The following EXOC4 variants were observed in gnomAD, a reference collection of about 807,000 sequenced individuals.
EXOC4 encodes SEC8-like 1.
A neutral mutation model predicts 107.2 loss-of-function variants in EXOC4; 71 were observed. The ratio of observed to expected loss-of-function variants is 0.66; its 90% CI spans 0.55 to 0.81. The LOEUF is 0.81. Ranked by LOEUF, EXOC4 falls within the 30% of genes least tolerant of loss-of-function variation. EXOC4 has a pLI of 0.00. For synonymous variants in EXOC4, 456 were observed against 441.2 expected (o/e 1.03, Z -0.42); for missense variants, 1,108 against 1,189.6 (o/e 0.93, Z 1.01).
At chr7:133,481,054 AAAG>A (rs1258430955) in intron 9 of EXOC4, 2 of 92,750 alleles carry the variant, frequency 2.2e-5, no homozygotes, top group Non-Finnish European at 4.7e-5. Context: ...TGTCTCAAAA[AAAG>A]AAAAAAAAAA....
At chr7:133,400,575 G>A (rs144283532) in intron 7 of EXOC4, among the ~76,000 whole-genome samples, 139 of 152,156 alleles carry the variant, frequency 9.1e-4, no homozygotes, top group African/African-American at 3.1e-3. Flanking sequence ...AGCCTACTGT[G>A]TCGCATCACT....
chr7:134,053,357 C>A (rs1795843123), intron 17 of EXOC4, among the ~76,000 whole-genome samples: 1 of 152,046 alleles, frequency 6.6e-6, no homozygotes, highest in Admixed American at 6.5e-5. Flanking sequence ...TGTCTAGCCA[C>A]TGCTCTTAAT....
chr7:133,531,497 C>T (rs1169242268), intron 9 of EXOC4, among the ~76,000 whole-genome samples: 2 of 152,026 alleles, frequency 1.3e-5, no homozygotes, highest in Non-Finnish European at 2.9e-5. Context: ...ACTGGAGGAA[C>T]GACAAAGGAA....
chr7:134,084,676 C>T, the EXOC4 span, among the ~76,000 whole-genome samples: 1 of 83,958 alleles, frequency 1.2e-5, no homozygotes, highest in African/African-American at 5.3e-5. Context: ...AAAGAGAGGA[C>T]AAAAACTTCT....
intron 17 of EXOC4, among the ~76,000 whole-genome samples, chr7:134,010,600 A>G (rs561026789): frequency 6.6e-6 from 1 of 152,346 alleles, no homozygotes; most frequent in South Asian, 2.1e-4. Flanking sequence ...CAAAATAGCC[A>G]GAAATAATAG....
intron 10 of EXOC4, among the ~76,000 whole-genome samples, chr7:133,671,304 C>A (rs1355876688): frequency 6.6e-6 from 1 of 152,278 alleles, no homozygotes; most frequent in East Asian, 1.9e-4. Flanking sequence ...TGGCTCATGT[C>A]TGTAATCACA....
At chr7:133,896,435 A>G (rs1242286506) in intron 12 of EXOC4, among the ~76,000 whole-genome samples, 1 of 152,198 alleles carries the variant, frequency 6.6e-6, no homozygotes, top group Non-Finnish European at 1.5e-5. Context: ...AATGAAGGAT[A>G]GATAGGTAAA....
At chr7:133,519,216 A>G (rs970919427) in intron 9 of EXOC4, among the ~76,000 whole-genome samples, 1 of 151,984 alleles carries the variant, frequency 6.6e-6, no homozygotes, top group South Asian at 2.1e-4. Context: ...GGAGTTTGAG[A>G]CCAGCCTAGG....
At chr7:133,516,335 C>G (rs961866378) in intron 9 of EXOC4, among the ~76,000 whole-genome samples, 6 of 152,128 alleles carry the variant, frequency 3.9e-5, no homozygotes, top group African/African-American at 1.2e-4. Context: ...ATTTCTGTAC[C>G]TGTCAACAGT....
At chr7:133,481,959 G>T (rs1799168734) in intron 9 of EXOC4, among the ~76,000 whole-genome samples, 1 of 152,172 alleles carries the variant, frequency 6.6e-6, no homozygotes, top group Non-Finnish European at 1.5e-5. Context: ...CAGGAGGTAG[G>T]ATTGTGCTCG....
chr7:133,710,516 C>T lies in EXOC4; in HGVS notation c.1514+80375C>T, dbSNP rs980978778. 2.0e-4 allele frequency among the ~76,000 whole-genome samples: 30 copies of T among 151,360 alleles called. 1 individual carries two copies. Among genetic ancestry groups the T allele is most frequent in the Admixed American group, 1.1e-3 (17 of 15,212 alleles). On this transcript the variant is annotated intron_variant, in intron 10 of 17. Transcript: ENST00000253861. ...TCTACTAAAAATACAAAAAATTAGC[C>T]GGGCGTAGTGGCGGGCGCCTGTAGT...
intron 9 of EXOC4, chr7:133,576,757 G>C (rs1247555047): frequency 7.8e-7 from 1 of 1,289,692 alleles, no homozygotes; most frequent in Admixed American, 2.3e-5. Context: ...GGTACTATTG[G>C]AGAGGTAACT....
At chr7:133,411,365 C>T (rs1224454563) in intron 7 of EXOC4, among the ~76,000 whole-genome samples, 3 of 152,056 alleles carry the variant, frequency 2.0e-5, no homozygotes, top group African/African-American at 7.2e-5. Context: ...TTTGTATATT[C>T]TGTAGATCAT....
At chr7:133,356,687 A>G in intron 6 of EXOC4, 114 bp downstream of exon 6, 1 of 1,284,042 alleles carries the variant, frequency 7.8e-7, no homozygotes, top group Non-Finnish European at 1.1e-6. Flanking sequence ...TTAGGATACT[A>G]TAGCCCATAC....
At position 133,483,983 on chromosome 7, in the gene EXOC4, G is replaced by T. The variant is rs1367428868; in HGVS notation, c.1417+3845G>T. On this transcript the variant is annotated intron_variant, in intron 9 of 17. Coordinates refer to ENST00000253861, the MANE Select transcript of EXOC4 (RefSeq NM_021807.4). ...TTTCTTCTGTTAACACCATATAGCG[G>T]CAGGCTTTGCTTCCCAGTAATTTCG... is the stretch of plus-strand genomic sequence containing the variant. 5 of 1,589,028 alleles carry T rather than the reference G, an allele frequency of 3.1e-6. No homozygotes were observed. The East Asian group carries it at 8.9e-5, about 28-fold the overall frequency.
At chr7:133,354,650 G>T (rs773932321) in intron 5 of EXOC4, among the ~76,000 whole-genome samples, 6 of 152,136 alleles carry the variant, frequency 3.9e-5, no homozygotes, top group Non-Finnish European at 8.8e-5. Flanking sequence ...GTACCTCTGT[G>T]ATTAGAGGAA....
intron 14 of EXOC4, among the ~76,000 whole-genome samples, chr7:133,988,959 GT>G (rs1794183601): frequency 1.3e-5 from 2 of 152,134 alleles, no homozygotes; most frequent in African/African-American, 4.8e-5. Context: ...TCAAATTTGT[GT>G]TTTGGGTAAA....
chr7:133,992,629 T>C (rs1794291047), intron 14 of EXOC4, among the ~76,000 whole-genome samples: 1 of 151,652 alleles, frequency 6.6e-6, no homozygotes, highest in Admixed American at 6.6e-5. Context: ...ACTAAATTCA[T>C]TTACCAGTCC....
rs755841590 is a variant in EXOC4, at chr7:133,697,643, G to A, written c.1514+67502G>A. ...ATGGGGACCACTGCGATGGGGCCTC[G>A]CAGTGTGGGAGAGAGATTGGGCTCT... On this transcript the variant is annotated intron_variant, in intron 10 of 17. Coordinates refer to ENST00000253861, the MANE Select transcript of EXOC4 (RefSeq NM_021807.4). Among the ~76,000 whole-genome samples, 18 of 152,268 alleles carry A rather than the reference G, an allele frequency of 1.2e-4. 1 individual carries two copies. The highest frequency in any genetic ancestry group is 1.9e-4 in the Non-Finnish European group (13 of 68,026).
Sources: allele counts gnomAD v4.1 joint callset (sites outside exome capture counted in the v4.1 genomes callset), GRCh38; gene constraint gnomAD v4.1.1; transcripts MANE v1.5; gene names NCBI Gene and HGNC (gene_info 2026-07-23, HGNC 2026-07-21).